CFTR: variants seen among roughly 807,000 people sequenced by gnomAD.
The protein encoded by CFTR is cystic fibrosis transmembrane conductance regulator.
Under a neutral mutation model 171.6 loss-of-function variants are expected in CFTR, and 181 were observed. That is an observed-to-expected ratio of 1.05 (90% CI 0.93 to 1.19). The LOEUF is 1.19. CFTR is among the 50% of genes most tolerant of loss of function. The pLI, the probability that CFTR is intolerant of heterozygous loss-of-function variation, is 0.00. For synonymous variants in CFTR, 583 were observed against 608.0 expected (o/e 0.96, Z 0.60); for missense variants, 1,968 against 1,734.7 (o/e 1.13, Z -2.39).
intron 1 of CFTR, among the ~76,000 whole-genome samples, chr7:117,501,123 A>G (rs1302380357): frequency 6.6e-6 from 1 of 152,206 alleles, no homozygotes; most frequent in African/African-American, 2.4e-5. Context: ...AGATAGTGAA[A>G]TTCTGCTCAT....
At chr7:117,611,352 T>A (rs1261698471) in intron 19 of CFTR, among the ~76,000 whole-genome samples, 1 of 152,110 alleles carries the variant, frequency 6.6e-6, no homozygotes, top group East Asian at 1.9e-4. Flanking sequence ...TTGGTGGTAA[T>A]TTTTTAAGTT....
chr7:117,568,499 T>C (rs1039725574), intron 11 of CFTR, among the ~76,000 whole-genome samples: 1 of 152,066 alleles, frequency 6.6e-6, no homozygotes, highest in Non-Finnish European at 1.5e-5. Flanking sequence ...GAAGATTGAA[T>C]GGATGGACTT....
At chr7:117,655,553 C>T (rs933617071) in intron 24 of CFTR, among the ~76,000 whole-genome samples, 4 of 152,250 alleles carry the variant, frequency 2.6e-5, no homozygotes, top group Admixed American at 6.5e-5. Flanking sequence ...TCTCTGGAGC[C>T]CTCACCAGAA....
At chr7:117,513,898 A>G (rs1798560129) in intron 3 of CFTR, among the ~76,000 whole-genome samples, 2 of 152,120 alleles carry the variant, frequency 1.3e-5, no homozygotes. Context: ...ACACAGATGC[A>G]CTTTCTTGTG....
At chr7:117,654,720 CTG>C (rs1289808332) in intron 24 of CFTR, among the ~76,000 whole-genome samples, 2 of 152,202 alleles carry the variant, frequency 1.3e-5, no homozygotes, top group Non-Finnish European at 2.9e-5. Context: ...CCATGTGGAA[CTG>C]TGAGTCAATT....
At chr7:117,576,866 T>C (rs969684326) in intron 11 of CFTR, among the ~76,000 whole-genome samples, 5 of 145,232 alleles carry the variant, frequency 3.4e-5, no homozygotes, top group African/African-American at 1.3e-4. Context: ...CTCTGTTATC[T>C]AAAATACTTC....
intron 9 of CFTR, among the ~76,000 whole-genome samples, chr7:117,545,614 A>G (rs1339632282): frequency 2.0e-5 from 3 of 152,122 alleles, no homozygotes; most frequent in Non-Finnish European, 4.4e-5. Context: ...GGTGAGTTAT[A>G]TACAACTCCT....
intron 3 of CFTR, among the ~76,000 whole-genome samples, chr7:117,516,184 G>C (rs1379154312): frequency 6.6e-6 from 1 of 152,030 alleles, no homozygotes; most frequent in Non-Finnish European, 1.5e-5. Context: ...GTGAAACAAA[G>C]TAAAATATAT....
chr7:117,576,796 T>C (rs968983336), intron 11 of CFTR, among the ~76,000 whole-genome samples: 1 of 152,086 alleles, frequency 6.6e-6, no homozygotes, highest in Non-Finnish European at 1.5e-5. Flanking sequence ...TTCATTAAGT[T>C]GTCCTCTATA....
chr7:117,546,650 G>A (rs1471604908), intron 9 of CFTR, among the ~76,000 whole-genome samples: 1 of 152,110 alleles, frequency 6.6e-6, no homozygotes, highest in Non-Finnish European at 1.5e-5. Context: ...AGTAACAACA[G>A]TCTTCCACTG....
intron 21 of CFTR, among the ~76,000 whole-genome samples, chr7:117,621,840 G>A (rs1006448240): frequency 6.6e-6 from 1 of 152,178 alleles, no homozygotes; most frequent in African/African-American, 2.4e-5. Context: ...TTTGATGAGT[G>A]ATGTCCAACC....
At chr7:117,546,508 G>T (rs1187635007) in intron 9 of CFTR, among the ~76,000 whole-genome samples, 1 of 152,066 alleles carries the variant, frequency 6.6e-6, no homozygotes, top group African/African-American at 2.4e-5. Context: ...TGTGTGGAGT[G>T]ATATCCATTG....
chr7:117,531,529 A>G (rs557733380), intron 4 of CFTR, among the ~76,000 whole-genome samples: 6 of 152,226 alleles, frequency 3.9e-5, no homozygotes, highest in African/African-American at 1.4e-4. Context: ...ACAACAAAAG[A>G]TTTCACCTTA....
chr7:117,482,162 A>G (rs1034247563), intron 1 of CFTR, among the ~76,000 whole-genome samples: 2 of 152,188 alleles, frequency 1.3e-5, no homozygotes, highest in African/African-American at 2.4e-5. Flanking sequence ...AATTTAATTT[A>G]TGAAAAATTG....
At chr7:117,484,320 T>C (rs1798039770) in intron 1 of CFTR, among the ~76,000 whole-genome samples, 1 of 152,210 alleles carries the variant, frequency 6.6e-6, no homozygotes, top group South Asian at 2.1e-4. Context: ...GATATACAAC[T>C]GCCAAGCATT....
chr7:117,548,930 G>C, intron 10 of CFTR, 107 bp downstream of exon 10: 1 of 1,463,848 alleles, frequency 6.8e-7, no homozygotes, highest in Non-Finnish European at 9.3e-7. Flanking sequence ...TCTTACATGA[G>C]CATTAGGAGA....
At chr7:117,607,337 G>C (rs533369270) in intron 18 of CFTR, among the ~76,000 whole-genome samples, 174 of 152,306 alleles carry the variant, frequency 1.1e-3, no homozygotes, top group African/African-American at 4.0e-3. Context: ...CTCCAGGGCA[G>C]GCTGGCTCAG....
chr7:117,501,793 C>A (rs867355476), intron 1 of CFTR, among the ~76,000 whole-genome samples: 2,677 of 95,888 alleles, frequency 0.028, 8 homozygotes, highest in Non-Finnish European at 0.039. Flanking sequence ...AAAAAAAAAA[C>A]AAAAAGCAAA....
At chr7:117,571,278 A>G (rs2115973050) in intron 11 of CFTR, among the ~76,000 whole-genome samples, 1 of 152,340 alleles carries the variant, frequency 6.6e-6, no homozygotes, top group East Asian at 1.9e-4. Flanking sequence ...AGGGAGCTGG[A>G]AAACATGTTA....
Sources: gnomAD v4.1 joint callset for allele counts (sites outside exome capture counted in the v4.1 genomes callset) on GRCh38, gnomAD v4.1.1 for gene constraint, MANE v1.5 for transcripts, NCBI Gene and HGNC (gene_info 2026-07-23, HGNC 2026-07-21) for gene names.